MRAP2: variants seen among roughly 807,000 people sequenced by gnomAD.
The protein encoded by MRAP2 is melanocortin-2 receptor accessory protein 2.
MRAP2 carries 20 observed loss-of-function variants against 17.4 expected under a neutral mutation model. The ratio of observed to expected loss-of-function variants is 1.15; its 90% CI spans 0.81 to 1.67. The LOEUF (loss-of-function observed/expected upper bound fraction) is 1.67. MRAP2 is among the 40% of genes most tolerant of loss of function. MRAP2 has a pLI of 0.00. For missense variants in MRAP2, 238 were observed against 240.0 expected (o/e 0.99, Z 0.05); for synonymous variants, 96 against 88.4 (o/e 1.09, Z -0.48).
intron 3 of MRAP2, among the ~76,000 whole-genome samples, chr6:84,065,651 A>G (rs1204604865): frequency 6.6e-6 from 1 of 152,222 alleles, no homozygotes; most frequent in Non-Finnish European, 1.5e-5. Flanking sequence ...TGTAGAAGAC[A>G]GGAGATTTTA....
At chr6:84,055,539 C>A in intron 2 of MRAP2, 94 bp downstream of exon 2, 2 of 1,272,814 alleles carry the variant, frequency 1.6e-6, no homozygotes, top group Non-Finnish European at 2.2e-6. Context: ...ATTCTTTCTT[C>A]TTTACAGAAC....
the MRAP2 span, among the ~76,000 whole-genome samples, chr6:84,103,805 C>T: frequency 6.1e-3 from 927 of 152,244 alleles, 17 homozygotes; most frequent in African/African-American, 0.021. Context: ...GGTACCATGA[C>T]CATAAGTGCA....
intron 3 of MRAP2, among the ~76,000 whole-genome samples, chr6:84,080,512 T>C (rs1293546383): frequency 6.6e-6 from 1 of 152,188 alleles, no homozygotes; most frequent in African/African-American, 2.4e-5. Flanking sequence ...AGTCCTACAT[T>C]AGAGGGAAGT....
the MRAP2 span, among the ~76,000 whole-genome samples, chr6:84,145,010 G>C: frequency 1.3e-5 from 2 of 151,974 alleles, no homozygotes; most frequent in Non-Finnish European, 2.9e-5. Context: ...ATACTATCAA[G>C]GCTTTGATTG....
At chr6:84,066,764 C>T (rs2129169163) in intron 3 of MRAP2, among the ~76,000 whole-genome samples, 1 of 152,290 alleles carries the variant, frequency 6.6e-6, no homozygotes, top group Non-Finnish European at 1.5e-5. Flanking sequence ...TAGAGTCAAA[C>T]CTCAAACTAA....
intron 2 of MRAP2, among the ~76,000 whole-genome samples, chr6:84,059,804 A>G (rs2099492634): frequency 2.6e-5 from 4 of 152,344 alleles, no homozygotes; most frequent in Middle Eastern, 3.4e-3. Context: ...TTTCTTAACC[A>G]TCTAGCCTCA....
intron 3 of MRAP2, among the ~76,000 whole-genome samples, chr6:84,064,998 A>T (rs139923414): frequency 4.6e-4 from 70 of 152,310 alleles, no homozygotes; most frequent in Non-Finnish European, 6.9e-4. Context: ...AAAAAATGTA[A>T]ACACAGCCAG....
intron 1 of MRAP2, among the ~76,000 whole-genome samples, chr6:84,034,815 A>G (rs1197330558): frequency 6.6e-6 from 1 of 152,146 alleles, no homozygotes; most frequent in African/African-American, 2.4e-5. Context: ...CAGGTAGAGA[A>G]AATTAGATTG....
chr6:84,037,989 T>C (rs1269137331), intron 1 of MRAP2, among the ~76,000 whole-genome samples: 2 of 152,184 alleles, frequency 1.3e-5, no homozygotes, highest in Non-Finnish European at 2.9e-5. Context: ...TGTTGTCACC[T>C]CTCAGTGGGG....
At chr6:84,143,604 T>C in the MRAP2 span, among the ~76,000 whole-genome samples, 1 of 151,860 alleles carries the variant, frequency 6.6e-6, no homozygotes, top group Non-Finnish European at 1.5e-5. Flanking sequence ...AAAAAATGAA[T>C]GAATGTAGAA....
chr6:84,094,285 C>T (rs1179455448), downstream of MRAP2, among the ~76,000 whole-genome samples: 1 of 152,182 alleles, frequency 6.6e-6, no homozygotes, highest in Non-Finnish European at 1.5e-5. Context: ...CTCTCCAGAG[C>T]ATGCTTTCCT....
At chr6:84,044,226 G>T (rs1327585528) in intron 1 of MRAP2, among the ~76,000 whole-genome samples, 2 of 152,082 alleles carry the variant, frequency 1.3e-5, no homozygotes, top group South Asian at 2.1e-4. Context: ...CGCTCTTGTT[G>T]CCCAGGCTGG....
At chr6:84,073,337 A>G (rs745797282) in intron 3 of MRAP2, among the ~76,000 whole-genome samples, 1 of 152,184 alleles carries the variant, frequency 6.6e-6, no homozygotes, top group Non-Finnish European at 1.5e-5. Context: ...AACTTCTCCC[A>G]CAAAGAGACT....
chr6:84,080,769 A>G (rs979218789), intron 3 of MRAP2, among the ~76,000 whole-genome samples: 2 of 152,232 alleles, frequency 1.3e-5, no homozygotes, highest in Non-Finnish European at 2.9e-5. Context: ...AGAAAGTAAA[A>G]TTAATAGTAA....
chr6:84,127,044 C>G, the MRAP2 span, among the ~76,000 whole-genome samples: 10 of 152,116 alleles, frequency 6.6e-5, no homozygotes, highest in Non-Finnish European at 1.3e-4. Flanking sequence ...TAATGAAGTA[C>G]TGAGCCCTTT....
chr6:84,134,919 T>TATAC, the MRAP2 span, among the ~76,000 whole-genome samples: 584 of 148,372 alleles, frequency 3.9e-3, 1 homozygote, highest in African/African-American at 0.014. Flanking sequence ...AGATCATATA[T>TATAC]ACACACACAC....
intron 1 of MRAP2, among the ~76,000 whole-genome samples, chr6:84,040,035 C>T (rs1472291063): frequency 6.6e-6 from 1 of 152,298 alleles, no homozygotes. Context: ...TATGATTTGG[C>T]TGTGTCCCCG....
At chr6:84,094,795 G>A (rs749441572), downstream of MRAP2, among the ~76,000 whole-genome samples, 8 of 151,912 alleles carry the variant, frequency 5.3e-5, no homozygotes, top group Non-Finnish European at 1.0e-4. Flanking sequence ...GGGTTCAAAC[G>A]ATTCTCCTGC....
At chr6:84,047,119 C>T (rs1457053510) in intron 1 of MRAP2, among the ~76,000 whole-genome samples, 3 of 151,912 alleles carry the variant, frequency 2.0e-5, no homozygotes, top group Non-Finnish European at 4.4e-5. Context: ...TCATTACCCT[C>T]CCCTCAAGTG....
Sources: allele counts gnomAD v4.1 joint callset (sites outside exome capture counted in the v4.1 genomes callset), GRCh38; gene constraint gnomAD v4.1.1; transcripts MANE v1.5; gene names NCBI Gene and HGNC (gene_info 2026-07-23, HGNC 2026-07-21).